CCBE1: variants seen among roughly 807,000 people sequenced by gnomAD.
CCBE1 encodes collagen and calcium-binding EGF domain-containing protein 1.
CCBE1 carries 37 observed loss-of-function variants against 50.0 expected under a neutral mutation model. The ratio of observed to expected loss-of-function variants is 0.74; its 90% confidence interval spans 0.57 to 0.97. The LOEUF (loss-of-function observed/expected upper bound fraction) is 0.97, where lower values mean the gene tolerates loss of function less well. Among genes scored for constraint, CCBE1 ranks in the 50% least tolerant of loss-of-function variants. CCBE1 has a pLI of 0.00. For missense variants in CCBE1, 538 were observed against 523.8 expected (o/e 1.03, Z -0.26); for synonymous variants, 234 against 203.7 (o/e 1.15, Z -1.27).
intron 7 of CCBE1, among the ~76,000 whole-genome samples, chr18:59,447,616 G>A (rs1198012451): frequency 1.3e-5 from 2 of 152,158 alleles, no homozygotes; most frequent in Non-Finnish European, 2.9e-5. Context: ...AGAATTGGGT[G>A]AGGAGCCCCA....
chr18:59,474,436 A>T (rs1424901344), intron 3 of CCBE1, among the ~76,000 whole-genome samples: 1 of 152,140 alleles, frequency 6.6e-6, no homozygotes, highest in Admixed American at 6.5e-5. Context: ...GTTTCTTAAG[A>T]CCTTTTCCTT....
chr18:59,658,327 A>G, intron 2 of CCBE1, among the ~76,000 whole-genome samples: 1 of 10,706 alleles, frequency 9.3e-5, no homozygotes, highest in African/African-American at 4.0e-4. Context: ...TCTCTAAAAA[A>G]AAAAAAAAAA....
At chr18:59,549,319 A>C (rs932575866) in intron 2 of CCBE1, among the ~76,000 whole-genome samples, 4 of 152,126 alleles carry the variant, frequency 2.6e-5, no homozygotes, top group African/African-American at 7.2e-5. Flanking sequence ...CATTCTTCTT[A>C]TTCTTCTGTT....
At chr18:59,549,503 C>A (rs954032580) in intron 2 of CCBE1, among the ~76,000 whole-genome samples, 2 of 152,168 alleles carry the variant, frequency 1.3e-5, no homozygotes, top group African/African-American at 2.4e-5. Context: ...AAAATAAACT[C>A]CATCTGGTGC....
At chr18:59,545,562 CG>C (rs1568198038) in intron 2 of CCBE1, among the ~76,000 whole-genome samples, 1 of 152,164 alleles carries the variant, frequency 6.6e-6, no homozygotes, top group African/African-American at 2.4e-5. Context: ...TTCCCTGACT[CG>C]TGGACTTTCA....
intron 5 of CCBE1, among the ~76,000 whole-genome samples, chr18:59,464,238 C>T (rs1021342077): frequency 2.6e-5 from 4 of 152,154 alleles, no homozygotes; most frequent in South Asian, 2.1e-4. Context: ...GAGTTTGAGA[C>T]CAGCCTGGCC....
chr18:59,663,636 G>C (rs1013020484), intron 2 of CCBE1, among the ~76,000 whole-genome samples: 1 of 152,006 alleles, frequency 6.6e-6, no homozygotes, highest in Non-Finnish European at 1.5e-5. Flanking sequence ...TTGGGGGACT[G>C]TCTCAGGAAG....
chr18:59,516,620 G>C (rs1914385022), intron 2 of CCBE1, among the ~76,000 whole-genome samples: 2 of 152,166 alleles, frequency 1.3e-5, no homozygotes, highest in Non-Finnish European at 2.9e-5. Context: ...CTCATCTTCA[G>C]GGTCTGTTTC....
chr18:59,550,606 G>T (rs1915874752), intron 2 of CCBE1, among the ~76,000 whole-genome samples: 1 of 152,130 alleles, frequency 6.6e-6, no homozygotes, highest in Non-Finnish European at 1.5e-5. Context: ...AGTTAGGCCT[G>T]CCCAAACCGT....
At chr18:59,627,762 T>C (rs1275526406) in intron 2 of CCBE1, among the ~76,000 whole-genome samples, 1 of 152,178 alleles carries the variant, frequency 6.6e-6, no homozygotes, top group East Asian at 1.9e-4. Flanking sequence ...AGAGGAAACT[T>C]GGCCCCACAG....
intron 2 of CCBE1, among the ~76,000 whole-genome samples, chr18:59,643,386 T>C (rs896150698): frequency 2.6e-5 from 4 of 152,186 alleles, no homozygotes; most frequent in African/African-American, 7.2e-5. Context: ...AGCAACTGTT[T>C]TGGAAGTTTA....
At chr18:59,596,163 A>G (rs895901422) in intron 2 of CCBE1, among the ~76,000 whole-genome samples, 1 of 152,166 alleles carries the variant, frequency 6.6e-6, no homozygotes, top group Admixed American at 6.5e-5. Context: ...TCATCCCTAT[A>G]AAGGAAGCAG....
intron 7 of CCBE1, among the ~76,000 whole-genome samples, chr18:59,447,637 G>A (rs1396971989): frequency 6.6e-6 from 1 of 152,170 alleles, no homozygotes; most frequent in East Asian, 1.9e-4. Flanking sequence ...AGCAGGGGGG[G>A]TTCATAATAC....
intron 2 of CCBE1, among the ~76,000 whole-genome samples, chr18:59,506,703 C>A (rs1913889119): frequency 6.6e-6 from 1 of 152,128 alleles, no homozygotes; most frequent in Non-Finnish European, 1.5e-5. Flanking sequence ...GGCAGGGGAG[C>A]CCTACTGACA....
intron 10 of CCBE1, among the ~76,000 whole-genome samples, chr18:59,437,701 G>A (rs1910223128): frequency 6.6e-6 from 1 of 152,154 alleles, no homozygotes; most frequent in Non-Finnish European, 1.5e-5. Context: ...CTTTTTAAGA[G>A]GAGATGGCCA....
chr18:59,487,383 CT>C (rs1389268394), intron 2 of CCBE1, among the ~76,000 whole-genome samples: 4 of 152,076 alleles, frequency 2.6e-5, no homozygotes, highest in African/African-American at 9.7e-5. Flanking sequence ...AGGAATCTTT[CT>C]TTTCAATGTT....
At chr18:59,495,698 C>T (rs146521379) in intron 2 of CCBE1, among the ~76,000 whole-genome samples, 23 of 151,568 alleles carry the variant, frequency 1.5e-4, no homozygotes, top group African/African-American at 4.1e-4. Flanking sequence ...TTTGCAAACA[C>T]GTGGAAAAGG....
At chr18:59,610,320 T>C (rs891211810) in intron 2 of CCBE1, among the ~76,000 whole-genome samples, 7 of 152,192 alleles carry the variant, frequency 4.6e-5, no homozygotes, top group Admixed American at 1.3e-4. Flanking sequence ...TTTGCAGGTA[T>C]TAAGATATTG....
chr18:59,692,206 A>T (rs936116117), intron 2 of CCBE1, among the ~76,000 whole-genome samples: 2 of 152,226 alleles, frequency 1.3e-5, no homozygotes, highest in Non-Finnish European at 1.5e-5. Flanking sequence ...CAACATGCAG[A>T]CTTGGCAAGA....
Sources: allele counts gnomAD v4.1 joint callset (sites outside exome capture counted in the v4.1 genomes callset), GRCh38; gene constraint gnomAD v4.1.1; transcripts MANE v1.5; gene names NCBI Gene and HGNC (gene_info 2026-07-23, HGNC 2026-07-21).